TOP1: variants seen among roughly 807,000 people sequenced by gnomAD.
TOP1 encodes DNA topoisomerase 1.
TOP1 carries 10 observed loss-of-function variants against 111.1 expected under a neutral mutation model. The ratio of observed to expected loss-of-function variants is 0.09; its 90% CI spans 0.06 to 0.15. The LOEUF (loss-of-function observed/expected upper bound fraction) is 0.15, where lower values mean the gene tolerates loss of function less well. Ranked by LOEUF, TOP1 falls within the 10% of genes least tolerant of loss-of-function variation. TOP1 has a pLI of 1.00. For missense variants in TOP1, 474 were observed against 926.7 expected, an observed-to-expected ratio of 0.51 and a Z score of 6.34; for synonymous variants, 271 against 302.9, an observed-to-expected ratio of 0.89 and a Z score of 1.10.
chr20:41,107,943 C>G (rs1173064108), intron 13 of TOP1, among the ~76,000 whole-genome samples: 1 of 152,250 alleles, frequency 6.6e-6, no homozygotes, highest in Admixed American at 6.5e-5. Context: ...ATCCTCCTGT[C>G]TCAGCCTCCC....
intron 3 of TOP1, among the ~76,000 whole-genome samples, chr20:41,074,270 C>T (rs573370361): frequency 6.6e-6 from 1 of 151,970 alleles, no homozygotes; most frequent in South Asian, 2.1e-4. Context: ...TATGAGAACA[C>T]ATTGAGTTAG....
intron 11 of TOP1, among the ~76,000 whole-genome samples, 192 bp from the exon 12 acceptor site, chr20:41,099,864 C>T (rs891054149): frequency 1.3e-5 from 2 of 152,090 alleles, no homozygotes; most frequent in African/African-American, 4.8e-5. Flanking sequence ...TCCTTATAGG[C>T]AGATCTTTTT....
chr20:41,112,910 G>C lies in TOP1; in HGVS notation c.1437G>C (p.Leu479=). 6.2e-7 allele frequency: 1 copy of C among 1,614,106 alleles called. No individual in the cohort carries two copies. Among genetic ancestry groups the C allele is most frequent in the Non-Finnish European group, 8.5e-7 (1 of 1,179,972 alleles). The change falls in exon 14 of 21, where the codon CTG becomes CTC. Residue 479 remains leucine, a synonymous_variant. Coordinates refer to ENST00000361337, the MANE Select transcript of TOP1 (RefSeq NM_003286.4). This position sits in a 1 kb window ranked among gnomAD's most constrained non-coding sequence, Gnocchi z 5.8. The part of the protein sequence containing the change: ...EMKVRQRAVA[L]YFIDKLALRA... ...AAGTCCGGCAGAGAGCTGTAGCCCT[G>C]TACTTCATCGACAAGGTGAGAGCAT...
chr20:41,090,909 G>A (rs1046871498), intron 8 of TOP1, among the ~76,000 whole-genome samples: 1 of 152,138 alleles, frequency 6.6e-6, no homozygotes, highest in Non-Finnish European at 1.5e-5. Flanking sequence ...TGTCTTCTAA[G>A]AGTTTTATAT....
At chr20:41,047,957 A>G (rs887406114) in intron 2 of TOP1, among the ~76,000 whole-genome samples, 2 of 152,132 alleles carry the variant, frequency 1.3e-5, no homozygotes, top group African/African-American at 2.4e-5. Flanking sequence ...CCTCCTTATT[A>G]TCTAAGTTAG....
Position 41,097,041 on chromosome 20 carries a change from T to C in TOP1, c.731-179T>C, listed in dbSNP as rs1046446562. Among the ~76,000 whole-genome samples, 2 of 152,208 alleles carry C rather than the reference T, an allele frequency of 1.3e-5. No individual in the cohort carries two copies. Among genetic ancestry groups the C allele is most frequent in the Non-Finnish European group, 2.9e-5 (2 of 68,032 alleles). On this transcript the variant is annotated intron_variant, in intron 9 of 20. Coordinates refer to ENST00000361337, the MANE Select transcript of TOP1 (RefSeq NM_003286.4). This position sits in a 1 kb window ranked among gnomAD's most constrained non-coding sequence, Gnocchi z 4.2. ...AAATATATGCTAAAGAGAAGGAGAATTTGTACAAGTAGATATAAATCAGTA... is the reference window on the plus strand; with the variant it reads ...AAATATATGCTAAAGAGAAGGAGAACTTGTACAAGTAGATATAAATCAGTA...
rs1405730657 is a variant in TOP1 at position 41,046,513 on chromosome 20, A to C, written c.59-14881A>C. 6.6e-6 allele frequency among the ~76,000 whole-genome samples: 1 copy of C among 152,212 alleles called. No homozygotes were observed. The highest frequency in any genetic ancestry group is 6.5e-5 in the Admixed American group (1 of 15,284). ...TCTTCACTTATGATGTGTCCTTAAC[A>C]GACTAAATGCAGGCTCTGCTGCACT... On this transcript the variant is annotated intron_variant, in intron 2 of 20. Transcript: ENST00000361337. The surrounding 1 kb of genome is among the most constrained non-coding windows in gnomAD (Gnocchi z 4.3).
intron 2 of TOP1, among the ~76,000 whole-genome samples, chr20:41,039,673 C>T (rs1238936271): frequency 6.6e-6 from 1 of 152,122 alleles, no homozygotes; most frequent in Non-Finnish European, 1.5e-5. Context: ...TTTTAGGAGG[C>T]CGAGGCGGGC....
At chr20:41,050,208 G>A (rs2033387372) in intron 2 of TOP1, among the ~76,000 whole-genome samples, 1 of 152,148 alleles carries the variant, frequency 6.6e-6, no homozygotes. Flanking sequence ...AGTAGAGATG[G>A]GCTTTCACCG....
intron 3 of TOP1, 113 bp from the exon 4 acceptor site, chr20:41,076,058 G>A (rs1222972351): frequency 5.4e-6 from 6 of 1,106,260 alleles, no homozygotes; most frequent in Non-Finnish European, 7.7e-6. Context: ...TGTCGGTACT[G>A]TTTGTTTAAG....
Position 41,080,894 on chromosome 20 carries a change from A to T in TOP1, c.432-271A>T, listed in dbSNP as rs553163153. Among the ~76,000 whole-genome samples, 2 of 151,796 alleles carry T rather than the reference A, an allele frequency of 1.3e-5. No homozygotes were observed. The highest frequency in any genetic ancestry group is 4.2e-4 in the South Asian group (2 of 4,796). On this transcript the variant is annotated intron_variant, in intron 6 of 20. Coordinates refer to ENST00000361337, the MANE Select transcript of TOP1 (RefSeq NM_003286.4). This position sits in a 1 kb window ranked among gnomAD's most constrained non-coding sequence, Gnocchi z 5.0. ...TTTCCCAGACTTTCATCTGATAATG[A>T]TATTTATTTCTGCATATATCCCCCC... is the stretch of plus-strand genomic sequence containing the variant.
chr20:41,066,002 T>C (rs2145929313), intron 3 of TOP1, among the ~76,000 whole-genome samples: 1 of 152,328 alleles, frequency 6.6e-6, no homozygotes, highest in South Asian at 2.1e-4. Context: ...GTGAACAGTA[T>C]CATCTGAGGA....
Position 41,083,743 on chromosome 20 carries a change from G to A in TOP1, c.508-719G>A, listed in dbSNP as rs1479694067. Among the ~76,000 whole-genome samples, 3 of 152,188 alleles carry A rather than the reference G, an allele frequency of 2.0e-5. No individual in the cohort carries two copies. The highest frequency in any genetic ancestry group is 7.2e-5 in the African/African-American group (3 of 41,456). On this transcript the variant is annotated intron_variant, in intron 7 of 20. Transcript: ENST00000361337. The surrounding 1 kb of genome is among the most constrained non-coding windows in gnomAD (Gnocchi z 7.2). ...TTCTTCAAAAGAGTTCAGATTCTGAGTGGGATCTTCACTTGTTGAATATTA... is the reference window on the plus strand; with the variant it reads ...TTCTTCAAAAGAGTTCAGATTCTGAATGGGATCTTCACTTGTTGAATATTA...
chr20:41,087,125 GA>G (rs1041715833), intron 8 of TOP1, among the ~76,000 whole-genome samples: 2 of 152,152 alleles, frequency 1.3e-5, no homozygotes, highest in Non-Finnish European at 2.9e-5. Flanking sequence ...GTCTTTACCA[GA>G]AAAAACCACT....
At position 41,046,659 on chromosome 20, in the gene TOP1, A is replaced by G. The variant is rs551107243; in HGVS notation, c.59-14735A>G. Among the ~76,000 whole-genome samples, 3 of 152,284 alleles carry G rather than the reference A, an allele frequency of 2.0e-5. No homozygotes were observed. In the South Asian group the frequency reaches 6.2e-4, roughly 32 times the overall value. ...ACCCAGTTGTTCCAGAAATCAGTAA[A>G]ACCTATTTGAGTATTCAAGAAAAAG... On this transcript the variant is annotated intron_variant, in intron 2 of 20. Coordinates refer to ENST00000361337, the MANE Select transcript of TOP1 (RefSeq NM_003286.4). The surrounding 1 kb of genome is among the most constrained non-coding windows in gnomAD (Gnocchi z 4.3).
intron 8 of TOP1, among the ~76,000 whole-genome samples, chr20:41,086,781 T>G (rs1417149957): frequency 1.3e-5 from 2 of 152,246 alleles, no homozygotes; most frequent in African/African-American, 4.8e-5. Context: ...ATGAGCAGAC[T>G]TTGCTACAGC....
chr20:41,082,938 A>G lies in TOP1; in HGVS notation c.508-1524A>G, dbSNP rs917819469. 2.6e-5 allele frequency among the ~76,000 whole-genome samples: 4 copies of G among 152,124 alleles called. No individual in the cohort carries two copies. Among genetic ancestry groups the G allele is most frequent in the Non-Finnish European group, 4.4e-5 (3 of 68,018 alleles). ...AGTTGACTTCATTTGTTATTATTCT[A>G]TTTAGCAGCCCTACCACATAGGGGG... is the stretch of plus-strand genomic sequence containing the variant. On this transcript the variant is annotated intron_variant, in intron 7 of 20. Coordinates refer to ENST00000361337, the MANE Select transcript of TOP1 (RefSeq NM_003286.4). This position sits in a 1 kb window ranked among gnomAD's most constrained non-coding sequence, Gnocchi z 4.1.
In TOP1 at chr20:41,049,386, G is replaced by T. The variant is rs184107518; in HGVS notation, c.59-12008G>T. On this transcript the variant is annotated intron_variant, in intron 2 of 20. Transcript: ENST00000361337. ...TAATGCAGTGCACTTCTAAGTTTCC[G>T]ATGGTATTTCCCCAAGTTTTGAATA... Among the ~76,000 whole-genome samples the T allele has an allele frequency of 5.1e-4, 77 of 152,350 alleles. 1 individual carries two copies. The highest frequency in any genetic ancestry group is 1.8e-3 in the Admixed American group (27 of 15,292).
At chr20:41,120,196 C>T (rs1353756975) in intron 18 of TOP1, among the ~76,000 whole-genome samples, 1 of 152,248 alleles carries the variant, frequency 6.6e-6, no homozygotes, top group Non-Finnish European at 1.5e-5. Flanking sequence ...CATTTCTATC[C>T]TAAAAAGAAT....
Sources: gnomAD v4.1 joint callset for allele counts (sites outside exome capture counted in the v4.1 genomes callset) on GRCh38, gnomAD v4.1.1 for gene constraint, Gnocchi (gnomAD v3.1) non-coding constraint, MANE v1.5 for transcripts, NCBI Gene and HGNC (gene_info 2026-07-23, HGNC 2026-07-21) for gene names.